KYAT3: variants seen among roughly 807,000 people sequenced by gnomAD.
KYAT3 encodes kynurenine--oxoglutarate transaminase 3.
KYAT3 carries 50 observed loss-of-function variants against 59.0 expected under a neutral mutation model. The observed-to-expected ratio is 0.85, with a 90% CI of 0.68 to 1.07. The LOEUF is 1.07. KYAT3 is among the 50% of genes least tolerant of loss of function. The pLI is 0.00. For missense variants in KYAT3, 497 were observed against 533.3 expected, an observed-to-expected ratio of 0.93 and a Z score of 0.67; for synonymous variants, 148 against 177.0, an observed-to-expected ratio of 0.84 and a Z score of 1.30.
chr1:88,987,425 TGAAAATTTTAAACCACTGA>T (rs1280996787), intron 2 of KYAT3, among the ~76,000 whole-genome samples: 2 of 152,208 alleles, frequency 1.3e-5, no homozygotes, highest in South Asian at 2.1e-4. Context: ...ATGGTTTTTA[TGAAAATTTTAAACCACTGA>T]GAAAATTTTA....
At chr1:88,988,516 C>G (rs1214990858) in intron 1 of KYAT3, among the ~76,000 whole-genome samples, 165 bp from the exon 2 acceptor site, 2 of 152,158 alleles carry the variant, frequency 1.3e-5, no homozygotes, top group African/African-American at 4.8e-5. Context: ...ATGATATAAT[C>G]TCTCATCACT....
intron 12 of KYAT3, 86 bp downstream of exon 12, chr1:88,943,264 G>C: frequency 2.0e-6 from 2 of 1,009,950 alleles, no homozygotes; most frequent in Non-Finnish European, 3.0e-6. Context: ...CATTACATTT[G>C]ATCGATTTCA....
intron 2 of KYAT3, among the ~76,000 whole-genome samples, chr1:88,977,602 G>A (rs1676848410): frequency 6.6e-6 from 1 of 152,224 alleles, no homozygotes; most frequent in Non-Finnish European, 1.5e-5. Context: ...GCCTCCCAAA[G>A]TGCTGGCATT....
chr1:88,976,278 A>G (rs983142959), intron 2 of KYAT3, among the ~76,000 whole-genome samples: 21 of 151,298 alleles, frequency 1.4e-4, no homozygotes, highest in Non-Finnish European at 1.2e-4. Flanking sequence ...AATTGCTTGC[A>G]CCCGGGAGGC....
In KYAT3 at chr1:88,990,354, C is replaced by T. The variant is rs993710696; in HGVS notation, c.-1-2003G>A. 3.3e-5 allele frequency among the ~76,000 whole-genome samples: 5 copies of T among 152,188 alleles called. No homozygotes were observed. The South Asian group carries it at 8.3e-4, about 25-fold the overall frequency. ...CTGTTGCTCATTTTACTAGCTCTCT[C>T]CTTTTCCTCAATCTACGCTCCTCAA... On this transcript the variant is annotated intron_variant, in intron 1 of 13. Coordinates refer to ENST00000260508, the MANE Select transcript of KYAT3 (RefSeq NM_001008661.3).
At chr1:88,926,429 T>A in the KYAT3 span, among the ~76,000 whole-genome samples, 1 of 152,250 alleles carries the variant, frequency 6.6e-6, no homozygotes, top group East Asian at 1.9e-4. Flanking sequence ...TCCACCCCCC[T>A]CACCCCCACA....
the KYAT3 span, among the ~76,000 whole-genome samples, chr1:88,926,220 AC>A: frequency 1.3e-5 from 2 of 152,242 alleles, no homozygotes; most frequent in African/African-American, 4.8e-5. Flanking sequence ...GTAATTTAAC[AC>A]CAACCACTGA....
At chr1:88,924,806 G>A in the KYAT3 span, among the ~76,000 whole-genome samples, 145 of 152,274 alleles carry the variant, frequency 9.5e-4, no homozygotes, top group African/African-American at 3.3e-3. Context: ...CTAAGTGCCC[G>A]GGTTCATCCT....
At chr1:88,922,649 C>T in the KYAT3 span, among the ~76,000 whole-genome samples, 1 of 152,154 alleles carries the variant, frequency 6.6e-6, no homozygotes, top group Non-Finnish European at 1.5e-5. Context: ...AAAACCATCC[C>T]CCTCCATCCA....
intron 2 of KYAT3, chr1:88,984,115 A>C: frequency 2.1e-6 from 1 of 482,106 alleles, no homozygotes; most frequent in South Asian, 3.2e-5. Flanking sequence ...GGAAATGTAA[A>C]GCAGGGAAAG....
chr1:88,953,251 T>C, intron 9 of KYAT3, 99 bp from the exon 10 acceptor site: 3 of 781,798 alleles, frequency 3.8e-6, no homozygotes, highest in Non-Finnish European at 6.4e-6. Context: ...ATATATACAA[T>C]CCTAAAATGT....
At chr1:88,982,105 T>C (rs1364453156) in intron 2 of KYAT3, 2 of 986,604 alleles carry the variant, frequency 2.0e-6, no homozygotes, top group Middle Eastern at 5.2e-4. Flanking sequence ...GCATTATCCA[T>C]TTGCTTTTTT....
intron 2 of KYAT3, chr1:88,982,969 C>T (rs1557705763): frequency 1.2e-6 from 2 of 1,613,746 alleles, no homozygotes; most frequent in African/African-American, 2.7e-5. Context: ...TACCATAACT[C>T]TCATATGAAT....
At chr1:88,958,425 A>AAG (rs1676007511) in intron 8 of KYAT3, among the ~76,000 whole-genome samples, 1 of 151,904 alleles carries the variant, frequency 6.6e-6, no homozygotes. Flanking sequence ...TTGTAAAAAA[A>AAG]AAAAAAAAAA....
At chr1:88,972,748 T>C (rs1465975886) in intron 2 of KYAT3, among the ~76,000 whole-genome samples, 2 of 152,232 alleles carry the variant, frequency 1.3e-5, no homozygotes, top group African/African-American at 2.4e-5. Context: ...TGTGCACACA[T>C]CACTTCTTTT....
chr1:88,945,343 T>C (rs758939348), intron 11 of KYAT3, among the ~76,000 whole-genome samples: 28 of 152,220 alleles, frequency 1.8e-4, no homozygotes, highest in Non-Finnish European at 2.6e-4. Flanking sequence ...AAGTAATCTA[T>C]GAAGGCCCAA....
chr1:88,953,902 C>CTTTTTT (rs199642260), intron 9 of KYAT3, among the ~76,000 whole-genome samples: 1 of 127,174 alleles, frequency 7.9e-6, no homozygotes, highest in African/African-American at 2.8e-5. Context: ...TCTTCTTCTT[C>CTTTTTT]TTCTTTTTTT....
At chr1:88,948,945 A>T (rs1203130192) in intron 11 of KYAT3, 146 bp downstream of exon 11, 2 of 575,818 alleles carry the variant, frequency 3.5e-6, no homozygotes, top group Non-Finnish European at 5.7e-6. Context: ...AAAGATAATT[A>T]TAGAAAATGT....
At chr1:88,983,153 T>C in intron 2 of KYAT3, 2 of 1,612,518 alleles carry the variant, frequency 1.2e-6, no homozygotes, top group Non-Finnish European at 1.7e-6. Context: ...AGAACTTGGG[T>C]AATCTCTGCT....
Sources: allele counts gnomAD v4.1 joint callset (sites outside exome capture counted in the v4.1 genomes callset), GRCh38; gene constraint gnomAD v4.1.1; transcripts MANE v1.5; gene names NCBI Gene and HGNC (gene_info 2026-07-23, HGNC 2026-07-21).